TTC9: variants seen among roughly 807,000 people sequenced by gnomAD.
TTC9 encodes tetratricopeptide repeat domain 9.
A neutral mutation model predicts 22.9 loss-of-function variants in TTC9; 13 were observed. The ratio of observed to expected loss-of-function variants is 0.57; its 90% confidence interval spans 0.37 to 0.90. The LOEUF is 0.90. TTC9 is among the 40% of genes least tolerant of loss of function. The probability of loss-of-function intolerance (pLI) is 0.01; values close to 1 mark genes in which losing one functional copy is unlikely to be tolerated. For missense variants in TTC9, 280 were observed against 291.8 expected, an observed-to-expected ratio of 0.96 and a Z score of 0.29; for synonymous variants, 148 against 133.2, an observed-to-expected ratio of 1.11 and a Z score of -0.77.
chr14:70,647,131 G>A (rs2139638970), intron 1 of TTC9, among the ~76,000 whole-genome samples: 1 of 152,140 alleles, frequency 6.6e-6, no homozygotes, highest in South Asian at 2.1e-4. Flanking sequence ...TATGATGTGT[G>A]GTGCCAGTTT....
chr14:70,654,283 G>A (rs1283296837), intron 1 of TTC9, among the ~76,000 whole-genome samples: 1 of 152,010 alleles, frequency 6.6e-6, no homozygotes, highest in Non-Finnish European at 1.5e-5. Flanking sequence ...ATAATGGTTA[G>A]TGGTGACTTT....
chr14:70,664,478 C>T (rs924688652), intron 1 of TTC9, among the ~76,000 whole-genome samples: 1 of 152,120 alleles, frequency 6.6e-6, no homozygotes, highest in Non-Finnish European at 1.5e-5. Flanking sequence ...GTAATCCCAG[C>T]ACTTTGGGAG....
intron 1 of TTC9, among the ~76,000 whole-genome samples, chr14:70,643,866 A>C (rs1351109666): frequency 6.6e-6 from 1 of 152,212 alleles, no homozygotes; most frequent in Non-Finnish European, 1.5e-5. Context: ...TTAAAGGATT[A>C]ATAGAGTAGT....
intron 1 of TTC9, among the ~76,000 whole-genome samples, chr14:70,650,188 A>C (rs1885963207): frequency 6.6e-6 from 1 of 152,186 alleles, no homozygotes; most frequent in Non-Finnish European, 1.5e-5. Flanking sequence ...TTTGGAGTCC[A>C]AGGTGGGTAG....
intron 1 of TTC9, 104 bp downstream of exon 1, chr14:70,642,639 G>A: frequency 8.6e-7 from 1 of 1,160,188 alleles, no homozygotes; most frequent in East Asian, 2.8e-5. Context: ...TGCTGTGACT[G>A]TGTTGCTCTG....
At position 70,665,017 on chromosome 14, in the gene TTC9, G is replaced by A. The variant is rs544750727; in HGVS notation, c.407-2547G>A. On this transcript the variant is annotated intron_variant, in intron 1 of 2. Transcript: ENST00000256367. ...GGTTCCTTTAACCCTTTGTGGGAAG[G>A]GGGAGGCTTCCCCATTTCCAGGCCT... Among the ~76,000 whole-genome samples, 3 of 152,284 alleles carry A rather than the reference G, an allele frequency of 2.0e-5. No homozygotes were observed. The East Asian group carries it at 5.8e-4, about 29-fold the overall frequency.
chr14:70,642,023 G>C lies in TTC9; in HGVS notation c.-107G>C, dbSNP rs1885817280. On this transcript the variant is annotated 5_prime_UTR_variant, in exon 1 of 3. Transcript: ENST00000256367. ...GGGTGTCACGGCCGCCACGAAGCCT[G>C]CGAGGCGCGGGGCCGGCGCCCGCGG... The C allele has an allele frequency of 1.3e-6, 1 of 769,472 alleles. No individual in the cohort carries two copies. Among genetic ancestry groups the C allele is most frequent in the South Asian group, 5.6e-5 (1 of 17,728 alleles). 47.7% of individuals were successfully genotyped at this position (769,472 alleles called of 1,614,324 possible).
intron 1 of TTC9, among the ~76,000 whole-genome samples, chr14:70,660,558 A>G (rs1182269797): frequency 6.6e-6 from 1 of 152,228 alleles, no homozygotes; most frequent in African/African-American, 2.4e-5. Flanking sequence ...TTTCATCATC[A>G]TAAGCGTTCC....
intron 1 of TTC9, among the ~76,000 whole-genome samples, chr14:70,647,723 T>A (rs1259082783): frequency 6.6e-6 from 1 of 152,244 alleles, no homozygotes; most frequent in Non-Finnish European, 1.5e-5. Context: ...TCCCTGCTCA[T>A]GCTGTGTTGT....
In TTC9 at chr14:70,642,492, G is replaced by GTC. The variant is rs1159427622; in HGVS notation, c.363_364insTC (p.Thr122SerfsTer24). On this transcript the variant is annotated frameshift_variant, in exon 1 of 3. Coordinates refer to ENST00000256367, the MANE Select transcript of TTC9 (RefSeq NM_015351.2). LOFTEE classifies it high-confidence loss of function. ...GCCGCCTCTCGGAGGAGCAGAGCAA[G>GTC]ACGGTGGAAGCCATCGAGATCGACT... The GTC allele has an allele frequency of 2.6e-6, 4 of 1,547,482 alleles. No individual in the cohort carries two copies. Among genetic ancestry groups the GTC allele is most frequent in the African/African-American group, 1.4e-5 (1 of 72,150 alleles).
rs1211452133 is a variant in TTC9, at chr14:70,671,151, T to C, written c.665T>C (p.Met222Thr). 5 of 1,613,316 alleles carry C rather than the reference T, an allele frequency of 3.1e-6. No individual in the cohort carries two copies. The highest frequency in any genetic ancestry group is 3.3e-5 in the Admixed American group (2 of 59,982). ...TGCTCCCAGAGAGAAAAAGAAGCCA[T>C]GTAACCAGGAAGCAGCTCCAGAGCT... ...SRCSQREKEAM is the reference protein window; with the variant it reads ...SRCSQREKEAT The change falls in exon 3 of 3, where the codon ATG (methionine) becomes ACG (threonine). Residue 222 changes from methionine to threonine, a missense_variant. Met to Thr is a moderately conservative substitution (Grantham distance 81). This residue lies in a region of TTC9 where 22 missense variants were observed against 20.4 expected (regional missense o/e 1.08). Transcript: ENST00000256367.
chr14:70,667,799 G>A lies in TTC9; in HGVS notation c.589+53G>A, dbSNP rs1307066777. ...TTCCTCCCTGCTCTGGTGGCTCCTG[G>A]GACCTTCTCATTTCAGCAGTTTTCT... On this transcript the variant is annotated intron_variant, in intron 2 of 2. Transcript: ENST00000256367. 4 of 1,514,516 alleles carry A rather than the reference G, an allele frequency of 2.6e-6. No individual in the cohort carries two copies. In the African/African-American group the frequency reaches 4.2e-5, roughly 16 times the overall value. 93.8% of individuals were successfully genotyped at this position (1,514,516 alleles called of 1,614,324 possible).
Position 70,642,192 on chromosome 14 carries a change from G to A in TTC9, c.63G>A (p.Glu21=). The part of the protein sequence containing the change: ...KGNPSPPAAG[E]GQRPPPPLCV... ...ACCCGAGCCCGCCCGCGGCCGGAGAGGGGCAGCGGCCACCGCCGCCGCTGT... is the reference window on the plus strand; with the variant it reads ...ACCCGAGCCCGCCCGCGGCCGGAGAAGGGCAGCGGCCACCGCCGCCGCTGT... The change falls in exon 1 of 3, where the codon GAG becomes GAA. Residue 21 remains glutamate (E), a synonymous_variant. Coordinates refer to ENST00000256367, the MANE Select transcript of TTC9 (RefSeq NM_015351.2). 1.6e-6 allele frequency: 2 copies of A among 1,226,112 alleles called. No homozygotes were observed. The highest frequency in any genetic ancestry group is 1.6e-5 in the African/African-American group (1 of 62,988). The allele number at this position is 1,226,112 out of a possible 1,614,324, so 76.0% of individuals were successfully genotyped here.
In TTC9 at chr14:70,656,241, ACACAC is replaced by A. The variant is rs1268497459; in HGVS notation, c.407-11322_407-11318del. ...CACACACACACACACACACACACAC[ACACAC>A]ATTTATTTTTCACAACATTCAGGTT... On this transcript the variant is annotated intron_variant, in intron 1 of 2. Transcript: ENST00000256367. Among the ~76,000 whole-genome samples the A allele has an allele frequency of 2.7e-5, 4 of 150,812 alleles. No individual in the cohort carries two copies. The South Asian group carries it at 8.3e-4, about 31-fold the overall frequency.
rs549957027 is a variant in TTC9, at chr14:70,672,460, G to A, written c.*1305G>A. ...AACACTTACTGAGGGCATATTGTTTGCCCATCATTGTGCAATATGCTGTGG... is the reference window on the plus strand; with the variant it reads ...AACACTTACTGAGGGCATATTGTTTACCCATCATTGTGCAATATGCTGTGG... On this transcript the variant is annotated 3_prime_UTR_variant, in exon 3 of 3. Coordinates refer to ENST00000256367, the MANE Select transcript of TTC9 (RefSeq NM_015351.2). 1.3e-5 allele frequency: 2 copies of A among 152,190 alleles called. No individual in the cohort carries two copies. The highest frequency in any genetic ancestry group is 4.8e-5 in the African/African-American group (2 of 41,430). The allele number at this position is 152,190 out of a possible 1,614,324, so 9.4% of individuals were successfully genotyped here.
In TTC9 at chr14:70,642,324, G is replaced by T. The variant is rs771897971; in HGVS notation, c.195G>T (p.Ala65=). 3.2e-6 allele frequency: 5 copies of T among 1,582,756 alleles called. No homozygotes were observed. The highest frequency in any genetic ancestry group is 1.1e-5 in the South Asian group (1 of 87,100). ...RRAHEFKSQG[A]QCYKDKKFRE... is the part of the protein sequence containing the mutation. ...CGCACGAGTTCAAAAGCCAAGGGGC[G>T]CAGTGCTACAAGGACAAGAAATTCC... The change falls in exon 1 of 3, where the codon GCG becomes GCT. Residue 65 remains alanine (A), a synonymous_variant. Transcript: ENST00000256367.
At position 70,642,466 on chromosome 14, in the gene TTC9, G is replaced by T; in HGVS notation, c.337G>T (p.Gly113Cys). Residue 113 changes from glycine (G) to cysteine (C), a missense_variant, in exon 1 of 3, where the codon GGC (glycine) becomes TGC (cysteine). Physicochemically the swap from Gly to Cys is radical, Grantham distance 159. Transcript: ENST00000256367. ...CTCCCCGGCTGGGGCCCTGAAGCCC[G>T]GCCGCCTCTCGGAGGAGCAGAGCAA... ...PASPAGALKPGRLSEEQSKTV... is the reference protein window; with the variant it reads ...PASPAGALKPCRLSEEQSKTV... 1 of 1,552,628 alleles carries T rather than the reference G, an allele frequency of 6.4e-7. No individual in the cohort carries two copies.
At position 70,642,467 on chromosome 14, in the gene TTC9, G is replaced by T; in HGVS notation, c.338G>T (p.Gly113Val). The part of the protein sequence containing the change: ...PASPAGALKP[G>V]RLSEEQSKTV... ...TCCCCGGCTGGGGCCCTGAAGCCCGGCCGCCTCTCGGAGGAGCAGAGCAAG... is the reference window on the plus strand; with the variant it reads ...TCCCCGGCTGGGGCCCTGAAGCCCGTCCGCCTCTCGGAGGAGCAGAGCAAG... Residue 113 changes from glycine (G) to valine (V), a missense_variant, in exon 1 of 3, where the codon GGC becomes GTC. By Grantham distance (109) the Gly-to-Val change is moderately radical (BLOSUM62 -3). Transcript: ENST00000256367. The T allele has an allele frequency of 6.4e-7, 1 of 1,550,830 alleles. No individual in the cohort carries two copies.
At chr14:70,664,375 C>G (rs1018974) in intron 1 of TTC9, among the ~76,000 whole-genome samples, 2 of 151,540 alleles carry the variant, frequency 1.3e-5, no homozygotes, top group African/African-American at 4.8e-5. Context: ...CTGCAGGTAG[C>G]GCTGAGGCCA....
Sources: gnomAD v4.1 joint callset for allele counts (sites outside exome capture counted in the v4.1 genomes callset) on GRCh38, gnomAD v4.1.1 for gene constraint, gnomAD v4.1.1 regional missense constraint, MANE v1.5 for transcripts, NCBI Gene and HGNC (gene_info 2026-07-23, HGNC 2026-07-21) for gene names.